Variants in PRPF3 observed in about 807,000 individuals in gnomAD.
PRPF3 encodes U4/U6 small nuclear ribonucleoprotein Prp3.
Under a neutral mutation model 89.2 loss-of-function variants are expected in PRPF3, and 3 were observed. That is an observed-to-expected ratio of 0.03 (90% CI 0.02 to 0.09). The LOEUF (loss-of-function observed/expected upper bound fraction) is 0.09. PRPF3 is among the 10% of genes least tolerant of loss of function. PRPF3 has a pLI of 1.00. For missense variants in PRPF3, 463 were observed against 828.8 expected, an observed-to-expected ratio of 0.56 and a Z score of 5.42; for synonymous variants, 270 against 289.1, an observed-to-expected ratio of 0.93 and a Z score of 0.67.
Position 150,346,075 on chromosome 1 carries a change from A to G in PRPF3, c.1698A>G (p.Gln566=). 1.9e-6 allele frequency: 3 copies of G among 1,614,210 alleles called. No homozygotes were observed. Among genetic ancestry groups the G allele is most frequent in the Non-Finnish European group, 2.5e-6 (3 of 1,180,042 alleles). ...KKFKIEANAG[Q]LYLTGVVVLH... is the part of the protein sequence containing the mutation. ...TCAAGATTGAAGCCAATGCTGGGCA[A>G]CTGTACCTGACAGGGGTGGTGGTAC... is the stretch of plus-strand genomic sequence containing the variant. Residue 566 remains glutamine, a synonymous_variant, in exon 13 of 16, where the codon CAA becomes CAG. Transcript: ENST00000324862.
In PRPF3 at chr1:150,332,751, G is replaced by GC; in HGVS notation, c.497dup (p.Thr167TyrfsTer32). The GC allele has an allele frequency of 6.2e-7, 1 of 1,613,986 alleles. No homozygotes were observed. ...AGGAAAAAACAGCTGAGCTTCATTA[G>GC]CCCCCCTACACCTCAGGTATTGTGT... is the stretch of plus-strand genomic sequence containing the variant. On this transcript the variant is annotated frameshift_variant, in exon 5 of 16. Coordinates refer to ENST00000324862, the MANE Select transcript of PRPF3 (RefSeq NM_004698.4). LOFTEE classifies it high-confidence loss of function.
intron 10 of PRPF3, among the ~76,000 whole-genome samples, chr1:150,343,715 A>T (rs782412468): frequency 3.9e-5 from 6 of 152,228 alleles, no homozygotes; most frequent in Non-Finnish European, 7.3e-5. Context: ...CTTGAAATTC[A>T]TGGAGATAGT....
intron 8 of PRPF3, 99 bp downstream of exon 8, chr1:150,338,425 A>G (rs1483699383): frequency 8.3e-7 from 1 of 1,204,910 alleles, no homozygotes; most frequent in African/African-American, 1.5e-5. Context: ...TTTTAGTGGG[A>G]AGGATGGTAC....
intron 14 of PRPF3, among the ~76,000 whole-genome samples, chr1:150,346,729 C>G (rs868980920): frequency 6.6e-6 from 1 of 152,096 alleles, no homozygotes; most frequent in Non-Finnish European, 1.5e-5. Context: ...GCTTTTCTAC[C>G]AGCTGGTTTC....
chr1:150,340,423 G>C lies in PRPF3; in HGVS notation c.1228G>C (p.Asp410His), dbSNP rs1286568507. The C allele has an allele frequency of 1.9e-6, 3 of 1,605,116 alleles. No homozygotes were observed. Among genetic ancestry groups the C allele is most frequent in the Non-Finnish European group, 2.6e-6 (3 of 1,171,960 alleles). The change falls in exon 9 of 16, where the codon GAT becomes CAT. Residue 410 changes from aspartate (D) to histidine (H), a missense_variant. By Grantham distance (81) the Asp-to-His change is moderately conservative. This residue lies in a region of PRPF3 where 261 missense variants were observed against 475.8 expected (regional missense o/e 0.55). Coordinates refer to ENST00000324862, the MANE Select transcript of PRPF3 (RefSeq NM_004698.4). ...TACAGAGGAAAATCCCAAGAGAGAA[G>C]ATTATTTTGGAATCACAAATCTTGT... Reference protein sequence around the residue: ...DLTEENPKREDYFGITNLVEH... With the variant: ...DLTEENPKREHYFGITNLVEH...
At chr1:150,351,219 C>G (rs1395936763) in intron 15 of PRPF3, among the ~76,000 whole-genome samples, 1 of 150,838 alleles carries the variant, frequency 6.6e-6, no homozygotes, top group Non-Finnish European at 1.5e-5. Flanking sequence ...GAGCCGAGAT[C>G]GCACCATTGC....
At chr1:150,343,122 A>T (rs1297471835) in intron 9 of PRPF3, 187 bp from the exon 10 acceptor site, 1 of 227,910 alleles carries the variant, frequency 4.4e-6, no homozygotes, top group African/African-American at 2.3e-5. Context: ...TGTGCCTGTA[A>T]TCCTAGCTAC....
intron 15 of PRPF3, among the ~76,000 whole-genome samples, chr1:150,349,887 G>C (rs587633975): frequency 8.5e-6 from 1 of 117,492 alleles, no homozygotes; most frequent in East Asian, 2.5e-4. Context: ...TTTTTTGGGG[G>C]CGGGGGGGCG....
rs115574821 is a variant in PRPF3 at position 150,326,759 on chromosome 1, T to C, written c.276+878T>C. 7.0e-3 allele frequency among the ~76,000 whole-genome samples: 1,061 copies of C among 152,220 alleles called. 9 individuals carry two copies. Among genetic ancestry groups the C allele is most frequent in the African/African-American group, 0.024 (981 of 41,546 alleles). On this transcript the variant is annotated intron_variant, in intron 3 of 15. Coordinates refer to ENST00000324862, the MANE Select transcript of PRPF3 (RefSeq NM_004698.4). ...GTGGTCAGAGAAGGAGAGATAGTCC[T>C]TGCCTTAAAACAATTTGTAATTTGT...
intron 8 of PRPF3, 122 bp downstream of exon 8, chr1:150,338,448 T>A: frequency 2.0e-6 from 2 of 987,898 alleles, no homozygotes; most frequent in Non-Finnish European, 3.1e-6. Context: ...ATTCATTAAT[T>A]AAAATTTTTA....
At chr1:150,324,613 C>T (rs1447450093) in intron 1 of PRPF3, among the ~76,000 whole-genome samples, 2 of 149,008 alleles carry the variant, frequency 1.3e-5, no homozygotes, top group African/African-American at 5.0e-5. Flanking sequence ...TGCAGTGGTG[C>T]GATTTTGACT....
At chr1:150,340,722 C>G (rs1553870191) in intron 9 of PRPF3, among the ~76,000 whole-genome samples, 2 of 152,126 alleles carry the variant, frequency 1.3e-5, no homozygotes. Context: ...GCTCATGCCT[C>G]TAATCCAAAC....
At chr1:150,324,204 G>C (rs1172334372) in intron 1 of PRPF3, among the ~76,000 whole-genome samples, 1 of 152,198 alleles carries the variant, frequency 6.6e-6, no homozygotes, top group Non-Finnish European at 1.5e-5. Context: ...GTTAGGGAAT[G>C]CCTGCCTGGA....
chr1:150,328,489 C>A, intron 4 of PRPF3, 23 bp downstream of exon 4: 1 of 1,591,812 alleles, frequency 6.3e-7, no homozygotes, highest in Non-Finnish European at 8.6e-7. Flanking sequence ...GGACTGGAAG[C>A]AAAGTGGTTT....
intron 3 of PRPF3, among the ~76,000 whole-genome samples, chr1:150,327,256 C>T (rs368597154): frequency 4.6e-5 from 7 of 151,772 alleles, no homozygotes; most frequent in South Asian, 2.1e-4. Flanking sequence ...TTAGTAGAGA[C>T]GGGGTTTCAT....
chr1:150,325,605 T>C lies in PRPF3; in HGVS notation c.146-146T>C, dbSNP rs587657737. ...CACCTCACAGGGCAAGGTCATTTAG[T>C]GTAAGAGAGATGGGAATCCTACAAA... On this transcript the variant is annotated intron_variant, in intron 2 of 15. Coordinates refer to ENST00000324862, the MANE Select transcript of PRPF3 (RefSeq NM_004698.4). The C allele has an allele frequency of 1.4e-4, 150 of 1,053,342 alleles. No individual in the cohort carries two copies. In the African/African-American group the frequency reaches 1.6e-3, roughly 11 times the overall value. 65.2% of individuals were successfully genotyped at this position (1,053,342 alleles called of 1,614,324 possible).
chr1:150,344,428 C>A lies in PRPF3; in HGVS notation c.1527-6C>A. On this transcript the variant is annotated splice_polypyrimidine_tract_variant and splice_region_variant and intron_variant, in intron 11 of 15. Coordinates refer to ENST00000324862, the MANE Select transcript of PRPF3 (RefSeq NM_004698.4). ...TCACTTGTGGATGTCCTTCCTGTCA[C>A]GACAGAGCGCATGAAGAGGCCAACG... 1 of 1,614,108 alleles carries A rather than the reference C, an allele frequency of 6.2e-7. No homozygotes were observed. The highest frequency in any genetic ancestry group is 8.5e-7 in the Non-Finnish European group (1 of 1,180,030).
rs1553868810 is a variant in PRPF3 at position 150,338,264 on chromosome 1, G to A, written c.1140G>A (p.Lys380=). 6.2e-7 allele frequency: 1 copy of A among 1,613,924 alleles called. No homozygotes were observed. The highest frequency in any genetic ancestry group is 2.2e-5 in the East Asian group (1 of 44,890). Residue 380 remains lysine, a synonymous_variant, in exon 8 of 16, where the codon AAG becomes AAA. Coordinates refer to ENST00000324862, the MANE Select transcript of PRPF3 (RefSeq NM_004698.4). The part of the protein sequence containing the change: ...LALIAPKKEL[K]EGDIPEIEWW... ...TCATTGCTCCTAAGAAGGAGCTAAA[G>A]GAAGGAGATATTCCTGAAATTGAGT...
At chr1:150,336,652 A>G (rs939879872) in intron 7 of PRPF3, among the ~76,000 whole-genome samples, 16 of 151,962 alleles carry the variant, frequency 1.1e-4, no homozygotes, top group Non-Finnish European at 2.1e-4. Context: ...GCTACTTGGG[A>G]GGCTGAGTCA....
Sources: allele counts gnomAD v4.1 joint callset (sites outside exome capture counted in the v4.1 genomes callset), GRCh38; gene constraint gnomAD v4.1.1; regional missense constraint gnomAD v4.1.1; transcripts MANE v1.5; gene names NCBI Gene and HGNC (gene_info 2026-07-23, HGNC 2026-07-21).